The following GAB2 variants were observed in gnomAD, a reference collection of about 807,000 sequenced individuals.
GAB2 encodes GRB2 associated binding protein 2.
A neutral mutation model predicts 65.5 loss-of-function variants in GAB2; 26 were observed. That is an observed-to-expected ratio of 0.40 (90% CI 0.29 to 0.55). The LOEUF (loss-of-function observed/expected upper bound fraction) is 0.55, where lower values mean the gene tolerates loss of function less well. GAB2 is among the 20% of genes least tolerant of loss of function. GAB2 has a pLI of 0.53. For missense variants in GAB2, 884 were observed against 875.8 expected, an observed-to-expected ratio of 1.01 and a Z score of -0.12; for synonymous variants, 321 against 329.6, an observed-to-expected ratio of 0.97 and a Z score of 0.28.
chr11:78,404,520 G>T (rs902639162), intron 1 of GAB2, among the ~76,000 whole-genome samples: 1 of 152,218 alleles, frequency 6.6e-6, no homozygotes, highest in African/African-American at 2.4e-5. Flanking sequence ...ACACCTCTTG[G>T]TAACAGAGCA....
intron 3 of GAB2, among the ~76,000 whole-genome samples, chr11:78,249,168 G>T (rs975493613): frequency 5.9e-5 from 9 of 152,298 alleles, no homozygotes; most frequent in Admixed American, 2.0e-4. Flanking sequence ...CCCAACCTCT[G>T]CTATTTATTA....
chr11:78,228,138 G>A (rs1369596194), intron 3 of GAB2, among the ~76,000 whole-genome samples: 3 of 152,172 alleles, frequency 2.0e-5, no homozygotes, highest in South Asian at 2.1e-4. Context: ...GACCTAGTAC[G>A]TCACAATGAT....
intron 2 of GAB2, among the ~76,000 whole-genome samples, chr11:78,279,528 T>A (rs1866272645): frequency 6.6e-6 from 1 of 152,184 alleles, no homozygotes; most frequent in Non-Finnish European, 1.5e-5. Flanking sequence ...AGTATACTCA[T>A]GAAAGTGTAC....
intron 1 of GAB2, among the ~76,000 whole-genome samples, chr11:78,285,627 C>T (rs1426074752): frequency 6.6e-6 from 1 of 152,114 alleles, no homozygotes; most frequent in African/African-American, 2.4e-5. Flanking sequence ...GCCACTATGC[C>T]CAGCTAATTT....
At chr11:78,370,190 G>A (rs1439595402) in intron 1 of GAB2, among the ~76,000 whole-genome samples, 1 of 149,624 alleles carries the variant, frequency 6.7e-6, no homozygotes, top group Non-Finnish European at 1.5e-5. Context: ...CCGGGAGGCG[G>A]AGCTTGCAGT....
intron 1 of GAB2, among the ~76,000 whole-genome samples, chr11:78,312,190 A>G (rs1481046600): frequency 6.6e-6 from 1 of 151,980 alleles, no homozygotes; most frequent in Non-Finnish European, 1.5e-5. Flanking sequence ...GAGTTTAAAA[A>G]AAAAAAAAAA....
At chr11:78,390,002 C>T (rs908636153) in intron 1 of GAB2, among the ~76,000 whole-genome samples, 3 of 152,190 alleles carry the variant, frequency 2.0e-5, no homozygotes, top group Non-Finnish European at 4.4e-5. Flanking sequence ...TCTACCACCA[C>T]ATAAATTCAG....
intron 1 of GAB2, among the ~76,000 whole-genome samples, chr11:78,281,605 C>A (rs1333243843): frequency 1.3e-5 from 2 of 152,194 alleles, no homozygotes; most frequent in African/African-American, 2.4e-5. Flanking sequence ...GACTGTGGGA[C>A]CTGCAGGTGC....
At chr11:78,363,805 C>T (rs1856464462) in intron 1 of GAB2, among the ~76,000 whole-genome samples, 5 of 152,010 alleles carry the variant, frequency 3.3e-5, no homozygotes, top group African/African-American at 9.6e-5. Flanking sequence ...AGACTGGTCT[C>T]GAATTTCCAA....
intron 1 of GAB2, among the ~76,000 whole-genome samples, chr11:78,309,971 T>TGTGTGTGTGTGCGCACGC (rs1421836447): frequency 2.5e-5 from 3 of 120,088 alleles, no homozygotes; most frequent in African/African-American, 1.1e-4. Flanking sequence ...TGTGTGTGTG[T>TGTGTGTGTGTGCGCACGC]GCGCGCGCGC....
chr11:78,324,515 AAAAG>A (rs1308106651), intron 1 of GAB2, among the ~76,000 whole-genome samples: 1 of 152,228 alleles, frequency 6.6e-6, no homozygotes, highest in Non-Finnish European at 1.5e-5. Context: ...GTATAATGGA[AAAAG>A]AAAGGTGCTA....
chr11:78,250,819 A>G (rs10450656), intron 2 of GAB2, among the ~76,000 whole-genome samples: 2,412 of 152,308 alleles, frequency 0.016, 65 homozygotes, highest in African/African-American at 0.055. Flanking sequence ...ATGCAGCTGA[A>G]CATCATTATC....
At chr11:78,292,318 C>T (rs1344694319) in intron 1 of GAB2, among the ~76,000 whole-genome samples, 1 of 152,184 alleles carries the variant, frequency 6.6e-6, no homozygotes, top group Non-Finnish European at 1.5e-5. Flanking sequence ...TGTCTTGCCC[C>T]TTCTACAACC....
At position 78,259,634 on chromosome 11, in the gene GAB2, C is replaced by T. The variant is rs113834324; in HGVS notation, c.377-9234G>A. On this transcript the variant is annotated intron_variant, in intron 2 of 9. Transcript: ENST00000361507. ...CAGAGGAAATTCATAAATTCAAGGC[C>T]AAACATAAAATGGCTCAACTTTACA... is the stretch of plus-strand genomic sequence containing the variant. Among the ~76,000 whole-genome samples the T allele has an allele frequency of 1.3e-3, 205 of 152,196 alleles. 1 individual carries two copies. Among genetic ancestry groups the T allele is most frequent in the African/African-American group, 4.8e-3 (200 of 41,524 alleles).
intron 1 of GAB2, among the ~76,000 whole-genome samples, chr11:78,317,152 A>T (rs933893773): frequency 3.3e-5 from 5 of 152,246 alleles, no homozygotes; most frequent in Non-Finnish European, 7.3e-5. Context: ...ATAGGGCATC[A>T]ATGTCTAATG....
rs1029010089 is a variant in GAB2 at position 78,377,983 on chromosome 11, G to A, written c.75+39663C>T. ...TGCAAACATGATTCTGAGCGAAGCTGTCACTCATCCCTCTCCACACCTACC... is the reference window on the plus strand; with the variant it reads ...TGCAAACATGATTCTGAGCGAAGCTATCACTCATCCCTCTCCACACCTACC... On this transcript the variant is annotated intron_variant, in intron 1 of 9. Coordinates refer to ENST00000361507, the MANE Select transcript of GAB2 (RefSeq NM_080491.3). Among the ~76,000 whole-genome samples, 18 of 152,292 alleles carry A rather than the reference G, an allele frequency of 1.2e-4. No individual in the cohort carries two copies. The East Asian group carries it at 3.5e-3, about 29-fold the overall frequency.
chr11:78,349,419 T>C (rs1856240664), intron 1 of GAB2, among the ~76,000 whole-genome samples: 2 of 152,214 alleles, frequency 1.3e-5, no homozygotes, highest in Non-Finnish European at 2.9e-5. Context: ...GGCACTATTA[T>C]CTCTATTACA....
intron 1 of GAB2, among the ~76,000 whole-genome samples, chr11:78,398,965 A>G (rs1340369557): frequency 2.6e-5 from 4 of 152,230 alleles, no homozygotes; most frequent in Non-Finnish European, 4.4e-5. Flanking sequence ...TTCAATAAGG[A>G]TAACAACTCT....
intron 1 of GAB2, among the ~76,000 whole-genome samples, chr11:78,292,483 C>T (rs1406818447): frequency 6.6e-6 from 1 of 152,174 alleles, no homozygotes; most frequent in Non-Finnish European, 1.5e-5. Context: ...TTTCAACTGT[C>T]AACTCTCAGG....
Sources: allele counts gnomAD v4.1 joint callset (sites outside exome capture counted in the v4.1 genomes callset), GRCh38; gene constraint gnomAD v4.1.1; transcripts MANE v1.5; gene names NCBI Gene and HGNC (gene_info 2026-07-23, HGNC 2026-07-21).